The following KIAA1217 variants were observed in gnomAD, a reference collection of about 807,000 sequenced individuals.
KIAA1217 encodes sickle tail protein homolog.
Under a neutral mutation model 163.9 loss-of-function variants are expected in KIAA1217, and 88 were observed. The ratio of observed to expected loss-of-function variants is 0.54; its 90% CI spans 0.45 to 0.64. KIAA1217 has a LOEUF of 0.64. Ranked by LOEUF, KIAA1217 falls within the 30% of genes least tolerant of loss-of-function variation. KIAA1217 has a pLI of 0.00. For synonymous variants in KIAA1217, 903 were observed against 923.1 expected, an observed-to-expected ratio of 0.98 and a Z score of 0.39; for missense variants, 2,372 against 2,475.0, an observed-to-expected ratio of 0.96 and a Z score of 0.88.
At chr10:23,982,544 TCTCTCTCTCTC>T (rs1361361486) in intron 1 of KIAA1217, among the ~76,000 whole-genome samples, 47 of 133,532 alleles carry the variant, frequency 3.5e-4, no homozygotes, top group African/African-American at 1.5e-3. Flanking sequence ...TCTCTCTCTC[TCTCTCTCTCTC>T]TCTCTCTCTC....
chr10:23,719,977 A>G (rs1388221028), intron 1 of KIAA1217, among the ~76,000 whole-genome samples: 3 of 152,210 alleles, frequency 2.0e-5, no homozygotes, highest in East Asian at 1.9e-4. Flanking sequence ...ATAGTTTAAT[A>G]CTAGAGACCA....
intron 5 of KIAA1217, among the ~76,000 whole-genome samples, chr10:24,461,160 T>C (rs80247351): frequency 0.077 from 11,735 of 152,232 alleles, 637 homozygotes; most frequent in East Asian, 0.18. Context: ...AAATTCTACA[T>C]AGATCAACAT....
At chr10:24,480,852 A>G (rs775841761) in intron 6 of KIAA1217, among the ~76,000 whole-genome samples, 1 of 152,220 alleles carries the variant, frequency 6.6e-6, no homozygotes, top group Non-Finnish European at 1.5e-5. Flanking sequence ...GATCCAAATT[A>G]GAATGTTTAG....
At chr10:24,529,900 C>G (rs2072865625) in intron 14 of KIAA1217, among the ~76,000 whole-genome samples, 1 of 150,796 alleles carries the variant, frequency 6.6e-6, no homozygotes, top group Non-Finnish European at 1.5e-5. Context: ...TGGGTTCAAG[C>G]AATTCTTCTC....
Position 24,546,253 on chromosome 10 carries a change from C to A in KIAA1217, c.5761C>A (p.Leu1921Ile), listed in dbSNP as rs199861086. 6.2e-7 allele frequency: 1 copy of A among 1,614,184 alleles called. No homozygotes were observed. Among genetic ancestry groups the A allele is most frequent in the Non-Finnish European group, 8.5e-7 (1 of 1,180,026 alleles). Reference sequence around the variant, plus strand: ...CACCAGGACCATCCATACTCCCAGCCTCACCAGCTACAAGGCACAGAATGG... The same window carrying A: ...CACCAGGACCATCCATACTCCCAGCATCACCAGCTACAAGGCACAGAATGG... ...KGTRTIHTPSLTSYKAQNGSS... is the reference protein window; with the variant it reads ...KGTRTIHTPSITSYKAQNGSS... Residue 1921 changes from leucine to isoleucine, a missense_variant, in exon 21 of 21, where the codon CTC becomes ATC. Leu to Ile is a conservative substitution (Grantham distance 5). Transcript: ENST00000376454.
At chr10:24,483,952 T>A (rs994248236) in intron 6 of KIAA1217, among the ~76,000 whole-genome samples, 2 of 151,750 alleles carry the variant, frequency 1.3e-5, no homozygotes, top group African/African-American at 4.8e-5. Flanking sequence ...TGTGAGTCAC[T>A]AAGGGAGGCA....
intron 3 of KIAA1217, among the ~76,000 whole-genome samples, chr10:24,426,484 C>T (rs776997291): frequency 2.0e-5 from 3 of 152,052 alleles, no homozygotes; most frequent in Non-Finnish European, 4.4e-5. Context: ...ATTAGCCGGA[C>T]ATGGGGGCAT....
intron 2 of KIAA1217, among the ~76,000 whole-genome samples, chr10:24,198,808 C>T (rs1466404857): frequency 6.6e-6 from 1 of 152,100 alleles, no homozygotes; most frequent in Non-Finnish European, 1.5e-5. Context: ...CAAACTGGGG[C>T]TTAATAGTTT....
intron 2 of KIAA1217, among the ~76,000 whole-genome samples, chr10:24,376,399 A>G (rs751559706): frequency 1.7e-4 from 26 of 152,216 alleles, no homozygotes; most frequent in Non-Finnish European, 2.6e-4. Flanking sequence ...CTGTGACTCA[A>G]CGAGGTTATA....
intron 1 of KIAA1217, among the ~76,000 whole-genome samples, chr10:23,824,662 T>A (rs867209035): frequency 3.4e-4 from 41 of 120,866 alleles, no homozygotes; most frequent in East Asian, 2.4e-3. Context: ...AAAAAAAATA[T>A]ATATATATAT....
At chr10:24,519,237 A>AT (rs1331873500) in intron 10 of KIAA1217, among the ~76,000 whole-genome samples, 2 of 151,760 alleles carry the variant, frequency 1.3e-5, no homozygotes, top group African/African-American at 4.8e-5. Flanking sequence ...TTCCTTTGAG[A>AT]TTTTTCTCCG....
chr10:24,544,360 G>T lies in KIAA1217; in HGVS notation c.5090G>T (p.Arg1697Ile). The T allele has an allele frequency of 6.2e-7, 1 of 1,614,108 alleles. No individual in the cohort carries two copies. Among genetic ancestry groups the T allele is most frequent in the Non-Finnish European group, 8.5e-7 (1 of 1,180,014 alleles). ...ALVDTSCSSN[R>I]DSVASSSHIA... ...GTTGATACCTCATGTTCTTCCAACA[G>T]AGATTCTGTTGCAAGTTCATCCCAC... Residue 1697 changes from arginine (R) to isoleucine (I), a missense_variant, in exon 19 of 21, where the codon AGA becomes ATA. Arg to Ile is a moderately conservative substitution (Grantham distance 97). This residue lies in a region of KIAA1217 where 690 missense variants were observed against 677.5 expected (regional missense o/e 1.02). Transcript: ENST00000376454.
intron 2 of KIAA1217, among the ~76,000 whole-genome samples, chr10:24,106,260 A>C (rs1316976967): frequency 3.3e-5 from 5 of 152,166 alleles, no homozygotes. Flanking sequence ...CCTCCCTTGC[A>C]ATTAGGTGTA....
chr10:23,908,760 A>T (rs576519931), intron 1 of KIAA1217, among the ~76,000 whole-genome samples: 1 of 152,152 alleles, frequency 6.6e-6, no homozygotes, highest in African/African-American at 2.4e-5. Flanking sequence ...AGATGTTGGC[A>T]TGCATGCGGT....
chr10:24,032,910 A>G (rs12355965), intron 2 of KIAA1217, among the ~76,000 whole-genome samples: 34,144 of 152,138 alleles, frequency 0.22, 4,700 homozygotes, highest in Middle Eastern at 0.41. Context: ...AAAATGGCAC[A>G]TGGAAAAACT....
intron 2 of KIAA1217, among the ~76,000 whole-genome samples, chr10:24,254,443 G>C (rs2074916236): frequency 6.6e-6 from 1 of 152,210 alleles, no homozygotes; most frequent in Admixed American, 6.5e-5. Flanking sequence ...GTATTCTTCA[G>C]AGGCCATGTG....
intron 1 of KIAA1217, among the ~76,000 whole-genome samples, chr10:23,992,793 C>T (rs1371354058): frequency 1.3e-5 from 2 of 151,574 alleles, no homozygotes; most frequent in Non-Finnish European, 2.9e-5. Context: ...GACAGAGTCA[C>T]ACTATTTATC....
At chr10:23,996,077 A>G (rs573509689) in intron 1 of KIAA1217, among the ~76,000 whole-genome samples, 5 of 152,284 alleles carry the variant, frequency 3.3e-5, no homozygotes, top group Admixed American at 6.5e-5. Flanking sequence ...GCAAAGAGGT[A>G]TGTGTCTGGT....
At chr10:24,456,755 T>G (rs1189048636) in intron 5 of KIAA1217, among the ~76,000 whole-genome samples, 1 of 148,964 alleles carries the variant, frequency 6.7e-6, no homozygotes, top group Admixed American at 6.8e-5. Context: ...CAGGCTGGAG[T>G]GCAATGGTGT....
Sources: allele counts gnomAD v4.1 joint callset (sites outside exome capture counted in the v4.1 genomes callset), GRCh38; gene constraint gnomAD v4.1.1; regional missense constraint gnomAD v4.1.1; transcripts MANE v1.5; gene names NCBI Gene and HGNC (gene_info 2026-07-23, HGNC 2026-07-21).